RSBN1: variants seen among roughly 807,000 people sequenced by gnomAD.
RSBN1 encodes lysine-specific demethylase 9.
Under a neutral mutation model 74.8 loss-of-function variants are expected in RSBN1, and 23 were observed. That is an observed-to-expected ratio of 0.31 (90% CI 0.22 to 0.44). The LOEUF (loss-of-function observed/expected upper bound fraction) is 0.44. Among genes scored for constraint, RSBN1 ranks in the 20% least tolerant of loss-of-function variants. The pLI, the probability that RSBN1 is intolerant of heterozygous loss-of-function variation, is 1.00. For missense variants in RSBN1, 808 were observed against 1,020.9 expected, an observed-to-expected ratio of 0.79 and a Z score of 2.84; for synonymous variants, 407 against 379.6, an observed-to-expected ratio of 1.07 and a Z score of -0.84.
In RSBN1 at chr1:113,765,603, T is replaced by C. The variant is rs1375883693; in HGVS notation, c.*377A>G. ...AGTACTAAACCATAAATCTTATTTA[T>C]CCATAAAAACAGCAAATATGGCAAG... On this transcript the variant is annotated 3_prime_UTR_variant, in exon 7 of 7. Coordinates refer to ENST00000261441, the MANE Select transcript of RSBN1 (RefSeq NM_018364.5). The C allele has an allele frequency of 1.7e-5, 3 of 180,436 alleles. No homozygotes were observed. In the East Asian group the frequency reaches 3.9e-4, roughly 23 times the overall value. 11.2% of individuals were successfully genotyped at this position (180,436 alleles called of 1,614,324 possible).
intron 2 of RSBN1, among the ~76,000 whole-genome samples, chr1:113,787,774 C>A (rs1660274373): frequency 6.6e-6 from 1 of 152,152 alleles, no homozygotes; most frequent in Non-Finnish European, 1.5e-5. Context: ...AAACTAAAGG[C>A]CCAAGAAACA....
intron 2 of RSBN1, among the ~76,000 whole-genome samples, chr1:113,786,416 T>C (rs1660243942): frequency 6.6e-6 from 1 of 152,144 alleles, no homozygotes; most frequent in South Asian, 2.1e-4. Context: ...AAATTAAGGA[T>C]CCTGAGATGG....
intron 2 of RSBN1, among the ~76,000 whole-genome samples, chr1:113,790,377 T>C (rs1167856889): frequency 6.6e-6 from 1 of 152,192 alleles, no homozygotes; most frequent in African/African-American, 2.4e-5. Context: ...AACAGTTTTT[T>C]AAAAACCTTA....
At chr1:113,785,147 AC>A (rs1660214941) in intron 2 of RSBN1, among the ~76,000 whole-genome samples, 1 of 151,992 alleles carries the variant, frequency 6.6e-6, no homozygotes, top group Non-Finnish European at 1.5e-5. Context: ...CTTTTTTTAA[AC>A]CTTTTTTGTT....
chr1:113,797,293 G>A (rs934750264), intron 2 of RSBN1, 70 bp downstream of exon 2: 1 of 1,241,364 alleles, frequency 8.1e-7, no homozygotes, highest in Non-Finnish European at 1.1e-6. Flanking sequence ...GGTATGTGCT[G>A]TGCGACAGAA....
chr1:113,811,543 G>A (rs1382939481), intron 1 of RSBN1, among the ~76,000 whole-genome samples, 167 bp downstream of exon 1: 1 of 152,196 alleles, frequency 6.6e-6, no homozygotes, highest in Non-Finnish European at 1.5e-5. Flanking sequence ...CAAGTAGTTA[G>A]ATCAAACCGT....
At chr1:113,806,838 CAAAAAAAAAAAAA>C (rs140139729) in intron 1 of RSBN1, among the ~76,000 whole-genome samples, 1 of 78,924 alleles carries the variant, frequency 1.3e-5, no homozygotes, top group Non-Finnish European at 2.3e-5. Context: ...CTGCCTCTAT[CAAAAAAAAAAAAA>C]AAAAAAAAAA....
At chr1:113,774,046 C>G (rs1659936472) in intron 4 of RSBN1, among the ~76,000 whole-genome samples, 1 of 152,020 alleles carries the variant, frequency 6.6e-6, no homozygotes, top group Non-Finnish European at 1.5e-5. Flanking sequence ...TATGCACAAA[C>G]ATACATATCT....
chr1:113,802,593 A>G (rs564347103), intron 1 of RSBN1, among the ~76,000 whole-genome samples: 40 of 152,022 alleles, frequency 2.6e-4, no homozygotes, highest in Non-Finnish European at 4.9e-4. Flanking sequence ...CCATCTCTCT[A>G]TATTATGGTG....
chr1:113,802,340 A>T (rs1425618461), intron 1 of RSBN1, among the ~76,000 whole-genome samples: 2 of 151,700 alleles, frequency 1.3e-5, no homozygotes, highest in Non-Finnish European at 2.9e-5. Context: ...TAGTATCTTC[A>T]GTTCGTAAAA....
chr1:113,810,603 A>G (rs1284771634), intron 1 of RSBN1, among the ~76,000 whole-genome samples: 1 of 152,166 alleles, frequency 6.6e-6, no homozygotes, highest in Admixed American at 6.5e-5. Flanking sequence ...GCAACGAACT[A>G]CAGTATTCGG....
chr1:113,792,540 A>G (rs1189315829), intron 2 of RSBN1, among the ~76,000 whole-genome samples: 1 of 152,132 alleles, frequency 6.6e-6, no homozygotes, highest in Non-Finnish European at 1.5e-5. Context: ...CTGGCTCTAT[A>G]AAAAAATTTT....
In RSBN1 at chr1:113,762,926, CAA is replaced by C. The variant is rs1165193081; in HGVS notation, c.*3052_*3053del. On this transcript the variant is annotated 3_prime_UTR_variant, in exon 7 of 7. Transcript: ENST00000261441. ...TCTCTTAAGGGGAAAGGGCACTTTT[CAA>C]AAGTCTTTCACTAAAAAATAATAAA... is the stretch of plus-strand genomic sequence containing the variant. 8 of 152,614 alleles carry C rather than the reference CAA, an allele frequency of 5.2e-5. No individual in the cohort carries two copies. The highest frequency in any genetic ancestry group is 1.5e-5 in the Non-Finnish European group (1 of 67,994). The allele number at this position is 152,614 out of a possible 1,614,324, so 9.5% of individuals were successfully genotyped here.
intron 4 of RSBN1, 142 bp downstream of exon 4, chr1:113,777,068 G>A: frequency 3.0e-6 from 2 of 661,514 alleles, no homozygotes; most frequent in South Asian, 5.5e-5. Context: ...TAACTGTGAT[G>A]ATTGGACTGA....
At chr1:113,797,010 G>C (rs566629899) in intron 2 of RSBN1, among the ~76,000 whole-genome samples, 1 of 152,162 alleles carries the variant, frequency 6.6e-6, no homozygotes, top group African/African-American at 2.4e-5. Context: ...GTTTTATTAT[G>C]ATATAAAAGC....
intron 2 of RSBN1, among the ~76,000 whole-genome samples, chr1:113,780,595 G>A (rs537670359): frequency 3.9e-5 from 6 of 152,282 alleles, no homozygotes; most frequent in African/African-American, 7.2e-5. Context: ...AAAATATAGC[G>A]ACCTCATAAT....
chr1:113,801,963 CT>C (rs575070721), intron 1 of RSBN1, among the ~76,000 whole-genome samples: 238 of 144,064 alleles, frequency 1.7e-3, no homozygotes, highest in Non-Finnish European at 1.6e-3. Context: ...TTATTAAGTT[CT>C]TTTTTTTTTT....
chr1:113,801,033 G>A (rs1660573969), intron 1 of RSBN1, among the ~76,000 whole-genome samples: 1 of 150,410 alleles, frequency 6.6e-6, no homozygotes. Context: ...AGGATGGAGT[G>A]CAGTGGCGTG....
chr1:113,776,087 T>A (rs763160587), intron 4 of RSBN1, among the ~76,000 whole-genome samples: 9 of 152,184 alleles, frequency 5.9e-5, no homozygotes, highest in Non-Finnish European at 1.0e-4. Flanking sequence ...AGAGAGTGAG[T>A]TAATCTACAT....
Sources: gnomAD v4.1 joint callset for allele counts (sites outside exome capture counted in the v4.1 genomes callset) on GRCh38, gnomAD v4.1.1 for gene constraint, MANE v1.5 for transcripts, NCBI Gene and HGNC (gene_info 2026-07-23, HGNC 2026-07-21) for gene names.